Variants in CNTN4 observed in about 807,000 individuals in gnomAD.
CNTN4 encodes the protein contactin-4.
CNTN4 carries 77 observed loss-of-function variants against 122.5 expected under a neutral mutation model. The observed-to-expected ratio is 0.63, with a 90% CI of 0.52 to 0.76. The LOEUF is 0.76. CNTN4 is among the 30% of genes least tolerant of loss of function. CNTN4 has a pLI of 0.00. For missense variants in CNTN4, 1,256 were observed against 1,259.1 expected (o/e 1.00, Z 0.04); for synonymous variants, 512 against 447.0 (o/e 1.15, Z -1.83).
chr3:2,834,898 CTTTTTT>C (rs71058653), intron 7 of CNTN4, among the ~76,000 whole-genome samples: 73 of 60,448 alleles, frequency 1.2e-3, no homozygotes, highest in Admixed American at 2.2e-3. Flanking sequence ...TAAAGGCAAC[CTTTTTT>C]TTTTTTTTTT....
intron 2 of CNTN4, among the ~76,000 whole-genome samples, chr3:2,278,400 G>A (rs1417537026): frequency 6.6e-6 from 1 of 152,158 alleles, no homozygotes; most frequent in African/African-American, 2.4e-5. Context: ...AAAGTAAACT[G>A]ACCTTTACCT....
At chr3:2,223,142 A>G (rs2039129452) in intron 2 of CNTN4, among the ~76,000 whole-genome samples, 1 of 152,160 alleles carries the variant, frequency 6.6e-6, no homozygotes, top group Non-Finnish European at 1.5e-5. Context: ...GAGAGTTAAT[A>G]GCTTCTGAGA....
chr3:2,348,772 C>G (rs2044498640), intron 3 of CNTN4, among the ~76,000 whole-genome samples: 1 of 152,114 alleles, frequency 6.6e-6, no homozygotes, highest in African/African-American at 2.4e-5. Context: ...CTCTTTTAAC[C>G]CTATGACTCA....
chr3:2,326,985 C>T lies in CNTN4; in HGVS notation c.-144-12193C>T, dbSNP rs192590780. On this transcript the variant is annotated intron_variant, in intron 2 of 24. Coordinates refer to ENST00000418658, the MANE Select transcript of CNTN4 (RefSeq NM_175607.3). ...GAGTATCCATAAAACAACTTCCCACCTACAAAGATGTAGGTAGGAAAGATA... is the reference window on the plus strand; with the variant it reads ...GAGTATCCATAAAACAACTTCCCACTTACAAAGATGTAGGTAGGAAAGATA... Among the ~76,000 whole-genome samples the T allele has an allele frequency of 2.0e-5, 3 of 152,124 alleles. No homozygotes were observed. In the South Asian group the frequency reaches 6.2e-4, roughly 31 times the overall value.
chr3:2,758,427 C>T (rs1027956198), intron 6 of CNTN4, among the ~76,000 whole-genome samples: 1 of 151,638 alleles, frequency 6.6e-6, no homozygotes, highest in Admixed American at 6.6e-5. Context: ...GAAGAGCCCT[C>T]CAATAAAGGT....
intron 17 of CNTN4, among the ~76,000 whole-genome samples, chr3:3,036,017 C>A (rs756032312): frequency 5.9e-5 from 9 of 151,884 alleles, no homozygotes; most frequent in Non-Finnish European, 1.2e-4. Flanking sequence ...TTAAAAGTTT[C>A]ACAGTTATTT....
intron 2 of CNTN4, among the ~76,000 whole-genome samples, chr3:2,266,231 A>G (rs929470705): frequency 1.3e-5 from 2 of 151,922 alleles, no homozygotes; most frequent in Non-Finnish European, 2.9e-5. Context: ...ACGTTGAGGA[A>G]TGTTCCTTCT....
intron 13 of CNTN4, among the ~76,000 whole-genome samples, chr3:2,951,973 ACCTAGGTGATTC>A (rs1475898452): frequency 6.6e-6 from 1 of 152,204 alleles, no homozygotes; most frequent in Non-Finnish European, 1.5e-5. Flanking sequence ...CTACAGGAAG[ACCTAGGTGATTC>A]CCAACTCTAT....
chr3:2,299,383 T>C (rs1003513448), intron 2 of CNTN4, among the ~76,000 whole-genome samples: 6 of 152,114 alleles, frequency 3.9e-5, no homozygotes, highest in Non-Finnish European at 8.8e-5. Context: ...ATGAATTATA[T>C]AGTTGTGAAT....
At chr3:2,372,989 A>G (rs201655165) in intron 3 of CNTN4, among the ~76,000 whole-genome samples, 4 of 152,238 alleles carry the variant, frequency 2.6e-5, no homozygotes, top group East Asian at 3.9e-4. Flanking sequence ...TGAGGTTGCA[A>G]TGAGCCAAGA....
At chr3:2,195,069 T>G (rs1386116420) in intron 2 of CNTN4, among the ~76,000 whole-genome samples, 1 of 152,190 alleles carries the variant, frequency 6.6e-6, no homozygotes, top group Non-Finnish European at 1.5e-5. Context: ...CATTCCCTCC[T>G]TCCCTACACT....
chr3:2,791,285 A>T (rs933776365), intron 6 of CNTN4, among the ~76,000 whole-genome samples: 1 of 152,212 alleles, frequency 6.6e-6, no homozygotes, highest in Non-Finnish European at 1.5e-5. Context: ...TAATCCCAGG[A>T]CAGTGGGAAG....
intron 2 of CNTN4, among the ~76,000 whole-genome samples, chr3:2,117,753 T>C (rs1227404052): frequency 6.6e-6 from 1 of 152,198 alleles, no homozygotes; most frequent in Non-Finnish European, 1.5e-5. Flanking sequence ...ATGGAATATT[T>C]TAAAATTTCC....
chr3:2,339,094 A>T (rs1022627600), intron 2 of CNTN4, 84 bp from the exon 3 acceptor site: 1 of 152,164 alleles, frequency 6.6e-6, no homozygotes, highest in Non-Finnish European at 1.5e-5. Context: ...GACCGGGAAG[A>T]TTACAGGTAA....
At chr3:2,350,575 AAATAGAG>A (rs201576444) in intron 3 of CNTN4, among the ~76,000 whole-genome samples, 3 of 108,126 alleles carry the variant, frequency 2.8e-5, no homozygotes, top group East Asian at 5.8e-4. Context: ...ATAAAGAAAA[AAATAGAG>A]TAGAATTCTA....
In CNTN4 at chr3:2,902,923, C is replaced by T; in HGVS notation, c.1125C>T (p.Asn375=). The T allele has an allele frequency of 6.2e-7, 1 of 1,613,650 alleles. No homozygotes were observed. The highest frequency in any genetic ancestry group is 8.5e-7 in the Non-Finnish European group (1 of 1,179,750). Residue 375 remains asparagine, a synonymous_variant, in exon 12 of 25, where the codon AAC becomes AAT. Coordinates refer to ENST00000418658, the MANE Select transcript of CNTN4 (RefSeq NM_175607.3). ...EQGTLNITIV[N]LSDAGMYQCL... is the part of the protein sequence containing the mutation. ...GAACACTCAACATAACAATAGTGAA[C>T]CTCTCAGATGCTGGCATGTATCAGT... is the stretch of plus-strand genomic sequence containing the variant.
chr3:2,265,966 G>A (rs928835344), intron 2 of CNTN4, among the ~76,000 whole-genome samples: 5 of 151,938 alleles, frequency 3.3e-5, no homozygotes, highest in East Asian at 1.9e-4. Context: ...AGAGTTTTTC[G>A]TGGAGTCTTT....
intron 9 of CNTN4, among the ~76,000 whole-genome samples, chr3:2,885,539 C>T (rs1031252192): frequency 3.3e-5 from 5 of 152,128 alleles, no homozygotes; most frequent in African/African-American, 1.2e-4. Context: ...GGTTGTGTCT[C>T]CCAAATTTTA....
At chr3:2,476,307 T>C (rs2075832747) in intron 3 of CNTN4, among the ~76,000 whole-genome samples, 1 of 152,160 alleles carries the variant, frequency 6.6e-6, no homozygotes, top group Non-Finnish European at 1.5e-5. Flanking sequence ...AGTTAAGATT[T>C]TGGCGTTTCC....
Sources: gnomAD v4.1 joint callset for allele counts (sites outside exome capture counted in the v4.1 genomes callset) on GRCh38, gnomAD v4.1.1 for gene constraint, MANE v1.5 for transcripts, NCBI Gene and HGNC (gene_info 2026-07-23, HGNC 2026-07-21) for gene names.